PVT1: variants seen among roughly 807,000 people sequenced by gnomAD.
PVT1 encodes the protein Pvt1 oncogene.
intron 6 of PVT1, among the ~76,000 whole-genome samples, chr8:128,100,700 C>T (rs1814492952): frequency 6.6e-6 from 1 of 152,192 alleles, no homozygotes; most frequent in South Asian, 2.1e-4. Flanking sequence ...CTAAGCCAAC[C>T]CAACCTCCAT....
intron 2 of PVT1, among the ~76,000 whole-genome samples, chr8:127,833,313 A>T (rs1814874334): frequency 6.6e-6 from 1 of 152,042 alleles, no homozygotes; most frequent in South Asian, 2.1e-4. Context: ...TCCTCTGTGG[A>T]ACTGGAATGT....
chr8:127,827,896 C>A (rs569532261), intron 2 of PVT1, among the ~76,000 whole-genome samples: 1 of 152,076 alleles, frequency 6.6e-6, no homozygotes, highest in Non-Finnish European at 1.5e-5. Flanking sequence ...CCCTCAGCAC[C>A]GTTGTAACAT....
intron 3 of PVT1, among the ~76,000 whole-genome samples, chr8:127,910,688 T>C (rs1168679762): frequency 6.6e-6 from 1 of 152,214 alleles, no homozygotes; most frequent in Non-Finnish European, 1.5e-5. Flanking sequence ...ATCTGTTAAA[T>C]AATTTAATTC....
At chr8:128,018,149 T>G (rs943857685) in intron 4 of PVT1, among the ~76,000 whole-genome samples, 1 of 152,170 alleles carries the variant, frequency 6.6e-6, no homozygotes, top group East Asian at 1.9e-4. Context: ...TCTTCAGCCA[T>G]GTAAACATGA....
At chr8:127,946,729 T>A (rs1030152948) in intron 3 of PVT1, 1 of 154,198 alleles carries the variant, frequency 6.5e-6, no homozygotes, top group African/African-American at 2.4e-5. Flanking sequence ...GGGCCAAAGT[T>A]TGGGAACAAT....
intron 3 of PVT1, among the ~76,000 whole-genome samples, chr8:127,966,299 T>C (rs901839142): frequency 1.3e-5 from 2 of 152,144 alleles, no homozygotes; most frequent in Admixed American, 1.3e-4. Flanking sequence ...TTTGCCCCCA[T>C]TGTGGGGATG....
chr8:128,022,502 G>T (rs113767944), intron 4 of PVT1, among the ~76,000 whole-genome samples: 1 of 152,178 alleles, frequency 6.6e-6, no homozygotes. Context: ...ATTTCCCTGC[G>T]CTCACAAAGG....
At chr8:127,814,608 T>C (rs7842712) in intron 2 of PVT1, among the ~76,000 whole-genome samples, 103,028 of 152,188 alleles carry the variant, frequency 0.68, 36,340 homozygotes, top group African/African-American at 0.88. Flanking sequence ...TTACAGATGT[T>C]GGGATTGAGG....
At chr8:127,864,005 G>C (rs200066539) in intron 2 of PVT1, among the ~76,000 whole-genome samples, 1 of 152,222 alleles carries the variant, frequency 6.6e-6, no homozygotes, top group Non-Finnish European at 1.5e-5. Context: ...GGTTGGGACC[G>C]GCTTCCAGGT....
chr8:128,099,101 C>T (rs1262533754), intron 6 of PVT1, among the ~76,000 whole-genome samples: 7 of 152,216 alleles, frequency 4.6e-5, no homozygotes, highest in Non-Finnish European at 1.0e-4. Context: ...CAGGGGTCGC[C>T]TAGCTAAGCA....
At chr8:127,848,064 G>A (rs530047820) in intron 2 of PVT1, among the ~76,000 whole-genome samples, 3 of 152,152 alleles carry the variant, frequency 2.0e-5, no homozygotes, top group East Asian at 3.9e-4. Context: ...ATTGAAATCG[G>A]GAGCAGCTCA....
intron 2 of PVT1, among the ~76,000 whole-genome samples, chr8:127,825,996 G>T (rs1360976876): frequency 6.8e-6 from 1 of 147,666 alleles, no homozygotes; most frequent in Non-Finnish European, 1.5e-5. Context: ...GACTACAGGA[G>T]TGTGCCACCA....
chr8:128,092,793 G>A (rs944258807), intron 5 of PVT1, among the ~76,000 whole-genome samples: 1 of 152,042 alleles, frequency 6.6e-6, no homozygotes, highest in Non-Finnish European at 1.5e-5. Flanking sequence ...TCTCAGCATG[G>A]TGCCATTACC....
intron 2 of PVT1, among the ~76,000 whole-genome samples, chr8:127,827,102 T>A (rs1453039774): frequency 6.7e-6 from 1 of 150,154 alleles, no homozygotes; most frequent in East Asian, 2.0e-4. Flanking sequence ...TTCGAGCGAT[T>A]CTCCTGCCTC....
At position 127,816,626 on chromosome 8, in the gene PVT1, C is replaced by T. The variant is rs905676781; in HGVS notation, n.372+20555C>T. 5.3e-5 allele frequency among the ~76,000 whole-genome samples: 8 copies of T among 151,696 alleles called. No homozygotes were observed. In the East Asian group the frequency reaches 5.8e-4, roughly 11 times the overall value. ...GTAACCTCCACCTCCTGGGTTCAAG[C>T]GATTCTCCTGCCTCAGTCTCCTGAG... On this transcript the variant is annotated intron_variant and non_coding_transcript_variant, in intron 2 of 10. Transcript: ENST00000651587.
At chr8:127,835,462 G>A (rs1424873478) in intron 2 of PVT1, among the ~76,000 whole-genome samples, 1 of 151,996 alleles carries the variant, frequency 6.6e-6, no homozygotes, top group African/African-American at 2.4e-5. Context: ...GGGGGGCAAG[G>A]GGAGGGATGG....
chr8:128,024,891 G>C (rs952270199), intron 4 of PVT1, among the ~76,000 whole-genome samples: 1 of 152,180 alleles, frequency 6.6e-6, no homozygotes, highest in African/African-American at 2.4e-5. Flanking sequence ...TTATAGAGGT[G>C]GGGTCTCGCT....
chr8:127,965,963 G>A (rs1816699198), intron 3 of PVT1, among the ~76,000 whole-genome samples: 2 of 152,192 alleles, frequency 1.3e-5, no homozygotes, highest in Admixed American at 1.3e-4. Flanking sequence ...ATCAGGGATG[G>A]AAAACCAGTG....
At chr8:127,925,141 C>T (rs1816113961) in intron 3 of PVT1, among the ~76,000 whole-genome samples, 1 of 152,120 alleles carries the variant, frequency 6.6e-6, no homozygotes, top group Non-Finnish European at 1.5e-5. Flanking sequence ...GTCTTTTGTG[C>T]CTGGCTTCTT....
Sources: allele counts gnomAD v4.1 joint callset (sites outside exome capture counted in the v4.1 genomes callset), GRCh38; gene constraint gnomAD v4.1.1; transcripts MANE v1.5; gene names NCBI Gene and HGNC (gene_info 2026-07-23, HGNC 2026-07-21).